Variants in RABGAP1L observed in about 807,000 individuals in gnomAD.
The protein encoded by RABGAP1L is RAB GTPase activating protein 1 like, also known as rab GTPase-activating protein 1-like.
A neutral mutation model predicts 137.7 loss-of-function variants in RABGAP1L; 63 were observed. The observed-to-expected ratio is 0.46, with a 90% CI of 0.37 to 0.56. The LOEUF is 0.56. Among genes scored for constraint, RABGAP1L ranks in the 20% least tolerant of loss-of-function variants. The pLI, the probability that RABGAP1L is intolerant of heterozygous loss-of-function variation, is 0.00. For synonymous variants in RABGAP1L, 431 were observed against 433.7 expected, an observed-to-expected ratio of 0.99 and a Z score of 0.08; for missense variants, 1,095 against 1,244.0, an observed-to-expected ratio of 0.88 and a Z score of 1.80.
At chr1:174,796,315 G>A (rs185108677) in intron 18 of RABGAP1L, among the ~76,000 whole-genome samples, 1 of 152,134 alleles carries the variant, frequency 6.6e-6, no homozygotes, top group Non-Finnish European at 1.5e-5. Flanking sequence ...AGAATGTTCT[G>A]TGATTGTTCT....
intron 10 of RABGAP1L, among the ~76,000 whole-genome samples, chr1:174,296,960 G>T (rs1249791311): frequency 6.6e-6 from 1 of 151,982 alleles, no homozygotes; most frequent in Non-Finnish European, 1.5e-5. Flanking sequence ...GTTTTGTTTT[G>T]GTTTGCTTTG....
chr1:174,312,749 C>G lies in RABGAP1L; in HGVS notation c.1465+7622C>G, dbSNP rs947723110. 5.3e-5 allele frequency among the ~76,000 whole-genome samples: 8 copies of G among 152,202 alleles called. No homozygotes were observed. The East Asian group carries it at 1.5e-3, about 29-fold the overall frequency. ...ATAGTTTGAGGTCTTATACTTGAGT[C>G]TTTAATCCGTTTTGTTTTGATTTTT... is the stretch of plus-strand genomic sequence containing the variant. On this transcript the variant is annotated intron_variant, in intron 11 of 25. Coordinates refer to ENST00000681986, the MANE Select transcript of RABGAP1L (RefSeq NM_001366446.1).
intron 1 of RABGAP1L, among the ~76,000 whole-genome samples, chr1:174,187,569 T>C (rs1307211636): frequency 6.6e-6 from 1 of 152,160 alleles, no homozygotes; most frequent in Non-Finnish European, 1.5e-5. Context: ...CATCCAAGTA[T>C]GCATTTAATG....
chr1:174,809,867 C>T (rs1689702090), intron 18 of RABGAP1L, among the ~76,000 whole-genome samples: 1 of 152,246 alleles, frequency 6.6e-6, no homozygotes, highest in Admixed American at 6.5e-5. Flanking sequence ...GAGGCTCTCT[C>T]TCAGACTGAA....
At chr1:174,288,433 G>A (rs1402162445) in intron 10 of RABGAP1L, among the ~76,000 whole-genome samples, 3 of 152,244 alleles carry the variant, frequency 2.0e-5, no homozygotes, top group Non-Finnish European at 1.5e-5. Context: ...GTTGGGGAAA[G>A]TCTTTCTCTC....
At chr1:174,918,391 G>T (rs1661222917) in intron 19 of RABGAP1L, among the ~76,000 whole-genome samples, 1 of 152,094 alleles carries the variant, frequency 6.6e-6, no homozygotes, top group Non-Finnish European at 1.5e-5. Context: ...CATAGCTCCA[G>T]TTATCTTTAA....
intron 17 of RABGAP1L, among the ~76,000 whole-genome samples, chr1:174,749,002 C>A (rs1449438365): frequency 6.6e-6 from 1 of 151,748 alleles, no homozygotes; most frequent in African/African-American, 2.4e-5. Flanking sequence ...AATGGTGAAA[C>A]CCCGCCTCTA....
At chr1:174,407,903 G>C (rs1010831922) in intron 13 of RABGAP1L, among the ~76,000 whole-genome samples, 1 of 152,092 alleles carries the variant, frequency 6.6e-6, no homozygotes, top group African/African-American at 2.4e-5. Context: ...CTGGAGAGAT[G>C]AACTGCTCAC....
chr1:174,769,929 A>G (rs1685985294), intron 18 of RABGAP1L, among the ~76,000 whole-genome samples: 1 of 152,214 alleles, frequency 6.6e-6, no homozygotes. Context: ...TTGATGTACC[A>G]ACTTGGGTTA....
At position 174,231,228 on chromosome 1, in the gene RABGAP1L, T is replaced by C. The variant is rs541864254; in HGVS notation, c.415T>C (p.Cys139Arg). 1 of 1,613,800 alleles carries C rather than the reference T, an allele frequency of 6.2e-7. No individual in the cohort carries two copies. The highest frequency in any genetic ancestry group is 1.3e-5 in the African/African-American group (1 of 75,032). The change falls in exon 4 of 26, where the codon TGT (cysteine) becomes CGT (arginine). Residue 139 changes from cysteine to arginine, a missense_variant. Cys to Arg is a radical substitution (Grantham distance 180). Around this residue, in one of 4 missense-constraint regions of RABGAP1L, gnomAD observed 356 missense variants for 326.3 expected, o/e 1.09. Coordinates refer to ENST00000681986, the MANE Select transcript of RABGAP1L (RefSeq NM_001366446.1). ...VLFNKLTYLG[C>R]MKVSSPRNEV... ...ATTTAATAAACTGACCTACTTAGGA[T>C]GTATGAAGGTTTCTTCCCCACGTAA...
At chr1:174,825,218 G>C (rs1210205208) in intron 19 of RABGAP1L, among the ~76,000 whole-genome samples, 1 of 152,160 alleles carries the variant, frequency 6.6e-6, no homozygotes, top group Non-Finnish European at 1.5e-5. Context: ...TTTTTATAAT[G>C]TGAAGGAATC....
At chr1:174,685,292 G>A (rs995471881) in intron 15 of RABGAP1L, among the ~76,000 whole-genome samples, 1 of 151,794 alleles carries the variant, frequency 6.6e-6, no homozygotes, top group Non-Finnish European at 1.5e-5. Flanking sequence ...TCACTCTGTC[G>A]CCCAGGCTGG....
chr1:174,787,235 T>C (rs986690669), intron 18 of RABGAP1L, among the ~76,000 whole-genome samples: 22 of 151,842 alleles, frequency 1.4e-4, no homozygotes, highest in Admixed American at 8.5e-4. Flanking sequence ...AAACCCTGTC[T>C]CTACTAAAAA....
At chr1:174,654,949 A>C (rs532103453) in intron 14 of RABGAP1L, among the ~76,000 whole-genome samples, 1 of 151,530 alleles carries the variant, frequency 6.6e-6, no homozygotes, top group Non-Finnish European at 1.5e-5. Context: ...TTTTAAACTC[A>C]TTTTTTATGA....
At chr1:174,924,574 ATG>A (rs1662396720) in intron 19 of RABGAP1L, among the ~76,000 whole-genome samples, 1 of 152,068 alleles carries the variant, frequency 6.6e-6, no homozygotes, top group Non-Finnish European at 1.5e-5. Context: ...TTCTGCTCAG[ATG>A]TATTACTTTT....
At chr1:174,728,769 G>A (rs1682214410) in intron 17 of RABGAP1L, among the ~76,000 whole-genome samples, 1 of 151,988 alleles carries the variant, frequency 6.6e-6, no homozygotes, top group Non-Finnish European at 1.5e-5. Context: ...AGCTTCCTGA[G>A]TAGCTGGGAC....
At chr1:174,896,263 A>G (rs934574854) in intron 19 of RABGAP1L, among the ~76,000 whole-genome samples, 21 of 152,268 alleles carry the variant, frequency 1.4e-4, no homozygotes, top group African/African-American at 4.8e-4. Flanking sequence ...GTCTGTTCAT[A>G]TCCTTCACCC....
At chr1:174,983,011 T>C (rs1024028045) in intron 24 of RABGAP1L, 106 bp downstream of exon 24, 2 of 1,187,068 alleles carry the variant, frequency 1.7e-6, no homozygotes, top group African/African-American at 1.5e-5. Context: ...AAGGATTTAT[T>C]AATAGGAATT....
intron 13 of RABGAP1L, among the ~76,000 whole-genome samples, chr1:174,615,746 C>T (rs562260731): frequency 9.2e-5 from 14 of 152,318 alleles, no homozygotes; most frequent in East Asian, 7.7e-4. Context: ...TCGAGCTTCC[C>T]GGCTGCTTTG....
Sources: gnomAD v4.1 joint callset for allele counts (sites outside exome capture counted in the v4.1 genomes callset) on GRCh38, gnomAD v4.1.1 for gene constraint, gnomAD v4.1.1 regional missense constraint, MANE v1.5 for transcripts, NCBI Gene and HGNC (gene_info 2026-07-23, HGNC 2026-07-21) for gene names.